Variants in CHRM3 observed in about 807,000 individuals in gnomAD.
CHRM3 encodes the protein cholinergic receptor muscarinic 3.
CHRM3 carries 11 observed loss-of-function variants against 41.8 expected under a neutral mutation model. That is an observed-to-expected ratio of 0.26 (90% CI 0.17 to 0.44). The LOEUF is 0.44. Among genes scored for constraint, CHRM3 ranks in the 20% least tolerant of loss-of-function variants. The pLI, the probability that CHRM3 is intolerant of heterozygous loss-of-function variation, is 1.00. For missense variants in CHRM3, 571 were observed against 745.4 expected (o/e 0.77, Z 2.72); for synonymous variants, 297 against 301.4 (o/e 0.99, Z 0.15).
intron 6 of CHRM3, among the ~76,000 whole-genome samples, chr1:239,837,913 C>T (rs562280046): frequency 2.6e-4 from 39 of 152,118 alleles, no homozygotes; most frequent in African/African-American, 9.2e-4. Flanking sequence ...AGAGTTCTAC[C>T]CTCAAAAGTT....
intron 2 of CHRM3, among the ~76,000 whole-genome samples, chr1:239,507,751 G>C (rs185702326): frequency 1.3e-5 from 2 of 152,164 alleles, no homozygotes; most frequent in African/African-American, 2.4e-5. Flanking sequence ...AAGCAGAGCT[G>C]TGCTTGCTGG....
intron 5 of CHRM3, among the ~76,000 whole-genome samples, chr1:239,780,559 T>A (rs1348494514): frequency 6.6e-6 from 1 of 152,178 alleles, no homozygotes; most frequent in Admixed American, 6.6e-5. Context: ...TCTTCCAGTC[T>A]GTGACTTTTC....
chr1:239,537,738 T>C (rs530379043), intron 2 of CHRM3, among the ~76,000 whole-genome samples: 19 of 152,352 alleles, frequency 1.2e-4, no homozygotes, highest in Non-Finnish European at 2.5e-4. Context: ...TCATCGATCC[T>C]CATCCTAATT....
intron 3 of CHRM3, among the ~76,000 whole-genome samples, chr1:239,558,749 T>C (rs1421317472): frequency 2.6e-5 from 4 of 152,202 alleles, no homozygotes. Flanking sequence ...ACTCATCCTT[T>C]AATATACAGG....
chr1:239,617,791 C>T (rs970787358), intron 3 of CHRM3, among the ~76,000 whole-genome samples: 4 of 152,144 alleles, frequency 2.6e-5, no homozygotes, highest in East Asian at 1.9e-4. Context: ...ACACACTGTA[C>T]GTGGTGTAGA....
chr1:239,555,294 T>A (rs969625805), intron 3 of CHRM3, among the ~76,000 whole-genome samples: 4 of 152,198 alleles, frequency 2.6e-5, no homozygotes, highest in African/African-American at 9.6e-5. Context: ...TGCTGAAACA[T>A]GGAGTCACAT....
intron 3 of CHRM3, among the ~76,000 whole-genome samples, chr1:239,565,291 C>T (rs1197511434): frequency 6.6e-6 from 1 of 152,154 alleles, no homozygotes; most frequent in Non-Finnish European, 1.5e-5. Flanking sequence ...ATGATTCATC[C>T]TACTACTTGC....
At chr1:239,807,994 T>G (rs1670796285) in intron 5 of CHRM3, among the ~76,000 whole-genome samples, 1 of 152,210 alleles carries the variant, frequency 6.6e-6, no homozygotes, top group South Asian at 2.1e-4. Context: ...GCAATGAATA[T>G]TCATTAGTTA....
At chr1:239,815,805 G>A (rs1173069782) in intron 5 of CHRM3, among the ~76,000 whole-genome samples, 1 of 152,134 alleles carries the variant, frequency 6.6e-6, no homozygotes, top group African/African-American at 2.4e-5. Context: ...TGGTGCCTCG[G>A]TCTGAGGCTA....
At chr1:239,631,895 A>G (rs991813347) in intron 3 of CHRM3, among the ~76,000 whole-genome samples, 1 of 152,196 alleles carries the variant, frequency 6.6e-6, no homozygotes, top group Non-Finnish European at 1.5e-5. Context: ...AGAGATGAGC[A>G]ACTTCTTTAT....
chr1:239,751,673 C>G (rs188103747), intron 5 of CHRM3, among the ~76,000 whole-genome samples: 24 of 152,198 alleles, frequency 1.6e-4, no homozygotes, highest in East Asian at 1.9e-4. Flanking sequence ...CAGTTTAGAA[C>G]AAAGAGCATA....
At chr1:239,447,783 A>C (rs1400345333) in intron 1 of CHRM3, among the ~76,000 whole-genome samples, 2 of 104,888 alleles carry the variant, frequency 1.9e-5, no homozygotes, top group East Asian at 5.0e-4. Flanking sequence ...TCTCAAAAAA[A>C]CAAACAAACA....
chr1:239,759,817 A>G (rs1280318472), intron 5 of CHRM3, among the ~76,000 whole-genome samples: 1 of 152,202 alleles, frequency 6.6e-6, no homozygotes, highest in Non-Finnish European at 1.5e-5. Flanking sequence ...ATTATTTTTT[A>G]CAGCACCTAG....
chr1:239,467,542 C>T (rs1029458088), intron 1 of CHRM3, among the ~76,000 whole-genome samples: 9 of 152,170 alleles, frequency 5.9e-5, no homozygotes, highest in Non-Finnish European at 1.2e-4. Context: ...CCTCGTGATC[C>T]GCCTGCCTCG....
At chr1:239,438,444 G>A (rs1663444620) in intron 1 of CHRM3, among the ~76,000 whole-genome samples, 1 of 152,118 alleles carries the variant, frequency 6.6e-6, no homozygotes, top group South Asian at 2.1e-4. Context: ...AATAGGATGT[G>A]GGCATATGCC....
chr1:239,807,857 C>CAT (rs1312918292), intron 5 of CHRM3, among the ~76,000 whole-genome samples: 2 of 152,004 alleles, frequency 1.3e-5, no homozygotes, highest in African/African-American at 4.8e-5. Flanking sequence ...TACACACACA[C>CAT]ACGCACACAT....
At chr1:239,882,950 G>A (rs534453477) in intron 6 of CHRM3, among the ~76,000 whole-genome samples, 4 of 152,302 alleles carry the variant, frequency 2.6e-5, no homozygotes, top group South Asian at 2.1e-4. Context: ...GCGGCTCTTC[G>A]CAGAGAAAGG....
intron 5 of CHRM3, among the ~76,000 whole-genome samples, chr1:239,716,983 T>G (rs1662440448): frequency 6.6e-6 from 1 of 152,098 alleles, no homozygotes; most frequent in African/African-American, 2.4e-5. Flanking sequence ...AGATGACATA[T>G]TAAGGGACAA....
In CHRM3 at chr1:239,912,578, A is replaced by T. The variant is rs1680427943; in HGVS notation, c.*3354A>T. 6.0e-6 allele frequency: 1 copy of T among 167,054 alleles called. No homozygotes were observed. The highest frequency in any genetic ancestry group is 2.1e-4 in the South Asian group (1 of 4,834). 10.3% of individuals were successfully genotyped at this position (167,054 alleles called of 1,614,324 possible). A position where few individuals can be genotyped will look rare whatever the true frequency, so the allele number is the denominator to read the frequency against. On this transcript the variant is annotated 3_prime_UTR_variant, in exon 7 of 7. Transcript: ENST00000676153. ...CAGAGCGCTGGAAGCCCCTTCATGT[A>T]TCGAGAGAGAAGCTGGAGCACAGAG...
Sources: allele counts gnomAD v4.1 joint callset (sites outside exome capture counted in the v4.1 genomes callset), GRCh38; gene constraint gnomAD v4.1.1; transcripts MANE v1.5; gene names NCBI Gene and HGNC (gene_info 2026-07-23, HGNC 2026-07-21).